The following SLC5A6 variants were observed in gnomAD, a reference collection of about 807,000 sequenced individuals.
SLC5A6 encodes sodium-dependent multivitamin transporter.
A neutral mutation model predicts 67.9 loss-of-function variants in SLC5A6; 31 were observed. That is an observed-to-expected ratio of 0.46 (90% CI 0.34 to 0.62). The LOEUF is 0.62. Ranked by LOEUF, SLC5A6 falls within the 20% of genes least tolerant of loss-of-function variation. The pLI, the probability that SLC5A6 is intolerant of heterozygous loss-of-function variation, is 0.01. For missense variants in SLC5A6, 673 were observed against 812.8 expected (o/e 0.83, Z 2.09); for synonymous variants, 343 against 331.0 (o/e 1.04, Z -0.39).
chr2:27,210,305 A>G (rs1338438062), intron 2 of SLC5A6, among the ~76,000 whole-genome samples: 1 of 152,192 alleles, frequency 6.6e-6, no homozygotes, highest in Non-Finnish European at 1.5e-5. Flanking sequence ...TTTTCTAAAC[A>G]CCCTACATTG....
chr2:27,203,918 G>A (rs745405368), intron 9 of SLC5A6, 51 bp from the exon 10 acceptor site: 4 of 1,393,782 alleles, frequency 2.9e-6, no homozygotes, highest in African/African-American at 1.4e-5. Context: ...GGTCTTCCCA[G>A]GGCCGGCTCT....
At chr2:27,206,361 C>T (rs1432020986) in intron 5 of SLC5A6, 122 bp downstream of exon 5, 17 of 920,092 alleles carry the variant, frequency 1.8e-5, no homozygotes, top group Non-Finnish European at 2.2e-5. Context: ...AGGGCCCAAG[C>T]GGTGAATTAA....
Position 27,207,214 on chromosome 2 carries a change from C to A in SLC5A6, c.393+44G>T, listed in dbSNP as rs752850626. On this transcript the variant is annotated intron_variant, in intron 3 of 16. Coordinates refer to ENST00000310574, the MANE Select transcript of SLC5A6 (RefSeq NM_021095.4). The surrounding 1 kb of genome is among the most constrained non-coding windows in gnomAD (Gnocchi z 5.5). ...CTATGTGCCTGTCCCTCCTCTCCAC[C>A]CCAACCCGTGTCCCACGCACTTCTC... The A allele has an allele frequency of 6.3e-7, 1 of 1,598,476 alleles. No individual in the cohort carries two copies. The highest frequency in any genetic ancestry group is 8.5e-7 in the Non-Finnish European group (1 of 1,170,300).
intron 10 of SLC5A6, 73 bp downstream of exon 10, chr2:27,203,706 C>T (rs536870871): frequency 3.0e-5 from 34 of 1,132,602 alleles, no homozygotes; most frequent in South Asian, 1.4e-4. Flanking sequence ...ACTATCACCC[C>T]GCTCCACCCA....
intron 9 of SLC5A6, 58 bp downstream of exon 9, chr2:27,204,403 G>C (rs959598111): frequency 9.7e-6 from 15 of 1,545,698 alleles, no homozygotes; most frequent in Non-Finnish European, 1.3e-5. Context: ...TTCCTACCTA[G>C]ACACTCCTGT....
intron 1 of SLC5A6, 60 bp downstream of exon 1, chr2:27,211,960 C>CGGG: frequency 2.0e-6 from 1 of 502,894 alleles, no homozygotes; most frequent in Non-Finnish European, 3.4e-6. Context: ...CGGGAGCCCG[C>CGGG]GGGGGCCCCG....
upstream of SLC5A6, chr2:27,212,354 C>G: frequency 1.9e-6 from 3 of 1,550,234 alleles, no homozygotes; most frequent in Non-Finnish European, 8.7e-7. Context: ...CAGCGGAGCA[C>G]CAAGGGAACG....
Position 27,201,004 on chromosome 2 carries a change from G to A in SLC5A6, c.1758C>T (p.Tyr586=), listed in dbSNP as rs140378947. ...CTTGGACAGCAGGTACTACCTGGCC[G>A]TAGCTCCTGCAGTGGAGCCGCTTCT... is the stretch of plus-strand genomic sequence containing the variant. ...SCQKRLHCRS[Y]GQDHLDTGLF... is the part of the protein sequence containing the mutation. The change falls in exon 16 of 17, where the codon TAC becomes TAT. Residue 586 remains tyrosine, a synonymous_variant. Transcript: ENST00000310574. 9.0e-5 allele frequency: 144 copies of A among 1,607,732 alleles called. 1 individual carries two copies. Among genetic ancestry groups the A allele is most frequent in the African/African-American group, 6.4e-4 (48 of 74,926 alleles).
rs1201459399 is a variant in SLC5A6 at position 27,204,915 on chromosome 2, A to C, written c.751T>G (p.Phe251Val). ...ISGFELDPDP[F>V]VRHTFWTLAF... Reference sequence around the variant, plus strand: ...AAGGTCCAGAAGGTGTGCCGCACAAAGGGGTCTGGATCCAGCCTGTAACAG... The same window carrying C: ...AAGGTCCAGAAGGTGTGCCGCACAACGGGGTCTGGATCCAGCCTGTAACAG... The change falls in exon 8 of 17, where the codon TTT becomes GTT. Residue 251 changes from phenylalanine to valine, a missense_variant. Phe to Val is a conservative substitution (Grantham distance 50, BLOSUM62 -1). Transcript: ENST00000310574. 2 of 1,613,724 alleles carry C rather than the reference A, an allele frequency of 1.2e-6. No individual in the cohort carries two copies. Among genetic ancestry groups the C allele is most frequent in the Admixed American group, 1.7e-5 (1 of 60,024 alleles).
At chr2:27,212,445 A>G (rs1436153094), upstream of SLC5A6, 5 of 1,563,208 alleles carry the variant, frequency 3.2e-6, no homozygotes, top group African/African-American at 2.7e-5. Context: ...CTGGGCGTGG[A>G]AAGGGCTCTG....
chr2:27,212,139 G>C lies in SLC5A6; in HGVS notation c.-327C>G. The C allele has an allele frequency of 2.0e-6, 3 of 1,520,104 alleles. No individual in the cohort carries two copies. The highest frequency in any genetic ancestry group is 2.6e-6 in the Non-Finnish European group (3 of 1,137,006). The allele number at this position is 1,520,104 out of a possible 1,614,324, so 94.2% of individuals were successfully genotyped here. ...CGGGAAGCCGCGCGGCGACGGGGGA[G>C]GCCTTCACTAAAGGGGAAAAGGAAG... On this transcript the variant is annotated 5_prime_UTR_variant, in exon 1 of 17. Coordinates refer to ENST00000310574, the MANE Select transcript of SLC5A6 (RefSeq NM_021095.4).
intron 10 of SLC5A6, 125 bp from the exon 11 acceptor site, chr2:27,203,470 T>C: frequency 3.7e-6 from 3 of 807,120 alleles, no homozygotes; most frequent in Admixed American, 2.5e-5. Context: ...CTCCTCATAG[T>C]TGGACTTGAT....
chr2:27,207,843 C>T lies in SLC5A6; in HGVS notation c.-140-53G>A, dbSNP rs1674188560. The T allele has an allele frequency of 2.3e-5, 14 of 606,386 alleles. No homozygotes were observed. The highest frequency in any genetic ancestry group is 3.8e-5 in the Non-Finnish European group (13 of 344,524). 37.6% of individuals were successfully genotyped at this position (606,386 alleles called of 1,614,324 possible). A position where few individuals can be genotyped will look rare whatever the true frequency, so the allele number is the denominator to read the frequency against. On this transcript the variant is annotated intron_variant, in intron 2 of 16. Coordinates refer to ENST00000310574, the MANE Select transcript of SLC5A6 (RefSeq NM_021095.4). This position sits in a 1 kb window ranked among gnomAD's most constrained non-coding sequence, Gnocchi z 5.5. ...CCTATCTGGCCTTGGTAGCCATTCA[C>T]CCTTGGGCCTTGTACATCGCATGCC...
intron 6 of SLC5A6, among the ~76,000 whole-genome samples, chr2:27,205,794 C>T (rs1170381098): frequency 2.0e-5 from 3 of 152,198 alleles, no homozygotes; most frequent in Admixed American, 6.5e-5. Flanking sequence ...TGAGGGGACT[C>T]TCCTGCCATT....
chr2:27,212,432 G>C (rs745813413), upstream of SLC5A6: 10 of 1,558,952 alleles, frequency 6.4e-6, no homozygotes, highest in South Asian at 1.1e-4. Flanking sequence ...CCTGCTCCTC[G>C]CTCTGGGCGT....
At chr2:27,208,187 A>G (rs544860547) in intron 2 of SLC5A6, among the ~76,000 whole-genome samples, 43 of 152,316 alleles carry the variant, frequency 2.8e-4, no homozygotes, top group African/African-American at 1.0e-3. Flanking sequence ...CCCAGCAGGA[A>G]ACACAGCATG....
chr2:27,200,531 G>A lies in SLC5A6; in HGVS notation c.1813C>T (p.Leu605=), dbSNP rs746733912. 4 of 1,613,938 alleles carry A rather than the reference G, an allele frequency of 2.5e-6. No homozygotes were observed. Among genetic ancestry groups the A allele is most frequent in the African/African-American group, 1.3e-5 (1 of 74,912 alleles). ...GCCTCCTTGTCTCTGCTGTCCCCCA[G>A]CACACCATTCCTCGGCTTCTCAGGA... ...LFPEKPRNGV[L]GDSRDKEAMA... The change falls in exon 17 of 17, where the codon CTG becomes TTG. Residue 605 remains leucine (L), a synonymous_variant. Coordinates refer to ENST00000310574, the MANE Select transcript of SLC5A6 (RefSeq NM_021095.4).
At chr2:27,208,021 G>A (rs1227819790) in intron 2 of SLC5A6, among the ~76,000 whole-genome samples, 1 of 152,188 alleles carries the variant, frequency 6.6e-6, no homozygotes, top group Non-Finnish European at 1.5e-5. Flanking sequence ...ATGCACAGCT[G>A]TGAAATTCAA....
chr2:27,208,614 C>T (rs1223787040), intron 2 of SLC5A6: 1 of 152,864 alleles, frequency 6.5e-6, no homozygotes, highest in Non-Finnish European at 1.5e-5. Flanking sequence ...AGACACCTAC[C>T]TGGAGAAGCA....
Sources: allele counts gnomAD v4.1 joint callset (sites outside exome capture counted in the v4.1 genomes callset), GRCh38; gene constraint gnomAD v4.1.1; non-coding constraint Gnocchi (gnomAD v3.1); transcripts MANE v1.5; gene names NCBI Gene and HGNC (gene_info 2026-07-23, HGNC 2026-07-21).